Variants in RNF8 observed in about 807,000 individuals in gnomAD.
RNF8 encodes the protein E3 ubiquitin-protein ligase RNF8.
Under a neutral mutation model 59.3 loss-of-function variants are expected in RNF8, and 8 were observed. The observed-to-expected ratio is 0.13, with a 90% confidence interval of 0.08 to 0.24. RNF8 has a LOEUF of 0.24. Ranked by LOEUF, RNF8 falls within the 10% of genes least tolerant of loss-of-function variation. The pLI, the probability that RNF8 is intolerant of heterozygous loss-of-function variation, is 1.00. For synonymous variants in RNF8, 162 were observed against 200.0 expected (o/e 0.81, Z 1.60); for missense variants, 406 against 572.6 (o/e 0.71, Z 2.97).
chr6:37,392,353 G>T lies in RNF8; in HGVS notation c.*1595G>T. ...TGTAATTCATTTTTAAGAGAGTACAGACATACACTTTTTGAGTAGGCAATA... is the reference window on the plus strand; with the variant it reads ...TGTAATTCATTTTTAAGAGAGTACATACATACACTTTTTGAGTAGGCAATA... On this transcript the variant is annotated 3_prime_UTR_variant, in exon 8 of 8. Transcript: ENST00000373479. 1 of 397,968 alleles carries T rather than the reference G, an allele frequency of 2.5e-6. No individual in the cohort carries two copies. Among genetic ancestry groups the T allele is most frequent in the Non-Finnish European group, 4.4e-6 (1 of 225,968 alleles). The allele number at this position is 397,968 out of a possible 1,614,324, so 24.7% of individuals were successfully genotyped here. A position where few individuals can be genotyped will look rare whatever the true frequency, so the allele number is the denominator to read the frequency against.
At chr6:37,355,467 G>C (rs546933400) in intron 1 of RNF8, among the ~76,000 whole-genome samples, 59 of 152,284 alleles carry the variant, frequency 3.9e-4, no homozygotes, top group African/African-American at 1.3e-3. Context: ...CGCTCGAAGA[G>C]TTTAAGGCTT....
intron 6 of RNF8, among the ~76,000 whole-genome samples, chr6:37,377,759 T>A (rs1479336392): frequency 6.6e-6 from 1 of 152,202 alleles, no homozygotes; most frequent in East Asian, 1.9e-4. Context: ...TAGTGCAACC[T>A]TTTAAACGAG....
At chr6:37,385,600 C>G (rs549267481) in intron 7 of RNF8, among the ~76,000 whole-genome samples, 3 of 151,812 alleles carry the variant, frequency 2.0e-5, no homozygotes, top group Non-Finnish European at 4.4e-5. Flanking sequence ...GCACTCCAGC[C>G]TGGGCAGAGT....
chr6:37,374,190 C>T (rs760002098), intron 4 of RNF8, among the ~76,000 whole-genome samples: 2 of 152,186 alleles, frequency 1.3e-5, no homozygotes, highest in Non-Finnish European at 2.9e-5. Flanking sequence ...TTCATAAAAG[C>T]TGCTTCCAGT....
chr6:37,355,901 G>T (rs1458089285), intron 1 of RNF8, among the ~76,000 whole-genome samples: 1 of 152,122 alleles, frequency 6.6e-6, no homozygotes, highest in Non-Finnish European at 1.5e-5. Flanking sequence ...AATTATTTTT[G>T]TGCATAACTA....
chr6:37,366,302 T>A (rs1769550375), intron 2 of RNF8, among the ~76,000 whole-genome samples: 1 of 152,212 alleles, frequency 6.6e-6, no homozygotes, highest in Admixed American at 6.5e-5. Context: ...TCTTACTACT[T>A]TTTCTGAGAC....
At chr6:37,357,422 G>A (rs1769163131) in intron 1 of RNF8, among the ~76,000 whole-genome samples, 1 of 152,186 alleles carries the variant, frequency 6.6e-6, no homozygotes, top group South Asian at 2.1e-4. Context: ...CTCTTCTACT[G>A]TTTTGGTACT....
rs1011734407 is a variant in RNF8 at position 37,392,475 on chromosome 6, A to G, written c.*1717A>G. ...GACTACTTCCCACTCAGAGGCAACAAGTATTACAGTTGCTTGTATATTCTT... is the reference window on the plus strand; with the variant it reads ...GACTACTTCCCACTCAGAGGCAACAGGTATTACAGTTGCTTGTATATTCTT... On this transcript the variant is annotated 3_prime_UTR_variant, in exon 8 of 8. Coordinates refer to ENST00000373479, the MANE Select transcript of RNF8 (RefSeq NM_003958.4). The G allele has an allele frequency of 7.5e-6, 3 of 398,518 alleles. No homozygotes were observed. The Admixed American group carries it at 1.3e-4, about 18-fold the overall frequency. 24.7% of individuals were successfully genotyped at this position (398,518 alleles called of 1,614,324 possible).
intron 7 of RNF8, among the ~76,000 whole-genome samples, chr6:37,389,469 G>A (rs1770642336): frequency 6.6e-6 from 1 of 152,014 alleles, no homozygotes; most frequent in African/African-American, 2.4e-5. Context: ...GTATTTGGAG[G>A]AGGAAGTAGG....
At chr6:37,373,380 G>A (rs1769886482) in intron 4 of RNF8, among the ~76,000 whole-genome samples, 1 of 152,052 alleles carries the variant, frequency 6.6e-6, no homozygotes, top group Non-Finnish European at 1.5e-5. Context: ...GAACACTGAG[G>A]GAGGAGGGGG....
chr6:37,382,973 A>AC (rs1770337202), intron 7 of RNF8, among the ~76,000 whole-genome samples: 2 of 130,566 alleles, frequency 1.5e-5, no homozygotes, highest in African/African-American at 5.4e-5. Flanking sequence ...ACTCTGTCTC[A>AC]AAAAAAAAAA....
At chr6:37,384,330 G>A (rs145119644) in intron 7 of RNF8, among the ~76,000 whole-genome samples, 4 of 151,954 alleles carry the variant, frequency 2.6e-5, no homozygotes, top group South Asian at 4.2e-4. Context: ...TAGTAGAGAC[G>A]GGGTTTTACT....
chr6:37,370,855 A>G (rs922825448), intron 3 of RNF8, among the ~76,000 whole-genome samples: 2 of 152,150 alleles, frequency 1.3e-5, no homozygotes, highest in Non-Finnish European at 2.9e-5. Flanking sequence ...AATAGTTTTC[A>G]GTCAATATAG....
At chr6:37,356,375 T>G (rs529511536) in intron 1 of RNF8, among the ~76,000 whole-genome samples, 1 of 152,356 alleles carries the variant, frequency 6.6e-6, no homozygotes, top group African/African-American at 2.4e-5. Flanking sequence ...TTGCACAAGA[T>G]TTTAAAAGAT....
Position 37,388,935 on chromosome 6 carries a change from T to TAAAAAAAA in RNF8, c.1442-1801_1442-1794dup, listed in dbSNP as rs10667248. Among the ~76,000 whole-genome samples, 917 of 139,890 alleles carry TAAAAAAAA rather than the reference T, an allele frequency of 6.6e-3. 15 individuals carry two copies. The highest frequency in any genetic ancestry group is 0.022 in the African/African-American group (804 of 36,098). The allele number at this position is 139,890 out of a possible 152,430, so 91.8% of individuals were successfully genotyped here. A position where few individuals can be genotyped will look rare whatever the true frequency, so the allele number is the denominator to read the frequency against. On this transcript the variant is annotated intron_variant, in intron 7 of 7. Transcript: ENST00000373479. Reference sequence around the variant, plus strand: ...GCAAAAGAGCCAGACCCTATCTCTTTAAAAAAAAAAAAAGACATTACATGG... The same window carrying TAAAAAAAA: ...GCAAAAGAGCCAGACCCTATCTCTTTAAAAAAAAAAAAAAAAAAAAAGACATTACATGG...
chr6:37,356,888 A>G (rs780841443), intron 1 of RNF8, among the ~76,000 whole-genome samples: 15 of 152,116 alleles, frequency 9.9e-5, no homozygotes, highest in Non-Finnish European at 2.1e-4. Flanking sequence ...ACAGATATGC[A>G]CCACTATGCC....
intron 7 of RNF8, among the ~76,000 whole-genome samples, chr6:37,383,232 T>C (rs1270382110): frequency 6.6e-6 from 1 of 152,224 alleles, no homozygotes; most frequent in Non-Finnish European, 1.5e-5. Context: ...TGAATGCAGC[T>C]TTGAAGTTTT....
rs192018998 is a variant in RNF8, at chr6:37,376,920, T to A, written c.1129-6T>A. The stretch of plus-strand genomic sequence containing the variant: ...TGAATGACAGGTAGGATTGTGTGTC[T>A]TGCAGGAAGAGAAGGAGAAGATGCA... On this transcript the variant is annotated splice_region_variant and splice_polypyrimidine_tract_variant and intron_variant, in intron 5 of 7. Coordinates refer to ENST00000373479, the MANE Select transcript of RNF8 (RefSeq NM_003958.4). 6.2e-7 allele frequency: 1 copy of A among 1,605,268 alleles called. No individual in the cohort carries two copies. The highest frequency in any genetic ancestry group is 1.7e-5 in the Admixed American group (1 of 59,956).
intron 7 of RNF8, among the ~76,000 whole-genome samples, chr6:37,384,626 A>G (rs1435046906): frequency 6.6e-6 from 1 of 152,184 alleles, no homozygotes; most frequent in Non-Finnish European, 1.5e-5. Flanking sequence ...ATCTCTTGCC[A>G]GCTTCTTATA....
Sources: allele counts gnomAD v4.1 joint callset (sites outside exome capture counted in the v4.1 genomes callset), GRCh38; gene constraint gnomAD v4.1.1; transcripts MANE v1.5; gene names NCBI Gene and HGNC (gene_info 2026-07-23, HGNC 2026-07-21).